Variants in JADE2 observed in about 807,000 individuals in gnomAD.
JADE2 encodes jade family PHD finger 2, also known as E3 ubiquitin-protein ligase Jade-2.
JADE2 carries 13 observed loss-of-function variants against 85.7 expected under a neutral mutation model. The ratio of observed to expected loss-of-function variants is 0.15; its 90% CI spans 0.10 to 0.24. The LOEUF (loss-of-function observed/expected upper bound fraction) is 0.24. Among genes scored for constraint, JADE2 ranks in the 10% least tolerant of loss-of-function variants. The pLI is 1.00. For synonymous variants in JADE2, 440 were observed against 456.1 expected (o/e 0.96, Z 0.45); for missense variants, 846 against 1,115.9 (o/e 0.76, Z 3.45).
chr5:134,571,702 A>C (rs1402820706), intron 9 of JADE2, among the ~76,000 whole-genome samples: 1 of 151,902 alleles, frequency 6.6e-6, no homozygotes, highest in African/African-American at 2.4e-5. Context: ...GTCTCGAAAG[A>C]AAAAAAAGAA....
At chr5:134,554,138 C>A (rs932124579) in intron 4 of JADE2, among the ~76,000 whole-genome samples, 4 of 152,180 alleles carry the variant, frequency 2.6e-5, no homozygotes, top group African/African-American at 9.7e-5. Context: ...ACCCTCATTT[C>A]GTGGCAGCTG....
rs1007718565 is a variant in JADE2 at position 134,525,857 on chromosome 5, C to T, written c.-155C>T. The T allele has an allele frequency of 2.0e-6, 2 of 989,710 alleles. No homozygotes were observed. Among genetic ancestry groups the T allele is most frequent in the African/African-American group, 3.5e-5 (2 of 57,164 alleles). 61.3% of individuals were successfully genotyped at this position (989,710 alleles called of 1,614,324 possible). A position where few individuals can be genotyped will look rare whatever the true frequency, so the allele number is the denominator to read the frequency against. On this transcript the variant is annotated 5_prime_UTR_variant, in exon 1 of 12. Coordinates refer to ENST00000681547, the MANE Select transcript of JADE2 (RefSeq NM_001388185.1). Reference sequence around the variant, plus strand: ...GGGCCTGGGACGCCGCGGGCCCGGCCGCCTCCCTCGCCGCGACCCCGGATG... The same window carrying T: ...GGGCCTGGGACGCCGCGGGCCCGGCTGCCTCCCTCGCCGCGACCCCGGATG...
chr5:134,546,754 C>T (rs956233742), intron 3 of JADE2, among the ~76,000 whole-genome samples: 1 of 147,854 alleles, frequency 6.8e-6, no homozygotes, highest in African/African-American at 2.5e-5. Context: ...GGTGACAGAA[C>T]GAGACACCGT....
At chr5:134,568,687 G>A (rs1276541099) in intron 9 of JADE2, among the ~76,000 whole-genome samples, 1 of 152,370 alleles carries the variant, frequency 6.6e-6, no homozygotes, top group South Asian at 2.1e-4. Flanking sequence ...GAGGGCAGGG[G>A]CATGCACAGC....
intron 3 of JADE2, among the ~76,000 whole-genome samples, chr5:134,545,865 CT>C (rs947142266): frequency 6.6e-6 from 1 of 152,192 alleles, no homozygotes; most frequent in African/African-American, 2.4e-5. Flanking sequence ...GACCTTCAAA[CT>C]TTCCTTGAGG....
Position 134,537,920 on chromosome 5 carries a change from ATTC to A in JADE2, c.59-66_59-64del, listed in dbSNP as rs1761699133. The A allele has an allele frequency of 1.0e-5, 12 of 1,155,938 alleles. No individual in the cohort carries two copies. In the South Asian group the frequency reaches 1.4e-4, roughly 13 times the overall value. The allele number at this position is 1,155,938 out of a possible 1,614,324, so 71.6% of individuals were successfully genotyped here. A position where few individuals can be genotyped will look rare whatever the true frequency, so the allele number is the denominator to read the frequency against. ...CCGGGGCTTTGCTTAGAAGCTTCCTATTCTTGGGCATGAGTGGGTGGTGCTCCT... is the reference window on the plus strand; with the variant it reads ...CCGGGGCTTTGCTTAGAAGCTTCCTATTGGGCATGAGTGGGTGGTGCTCCT... On this transcript the variant is annotated intron_variant, in intron 2 of 11. Coordinates refer to ENST00000681547, the MANE Select transcript of JADE2 (RefSeq NM_001388185.1).
At chr5:134,570,564 G>C (rs966112243) in intron 9 of JADE2, among the ~76,000 whole-genome samples, 1 of 152,034 alleles carries the variant, frequency 6.6e-6, no homozygotes, top group African/African-American at 2.4e-5. Flanking sequence ...CACTCTGGCC[G>C]GGTTTCCGCC....
intron 3 of JADE2, among the ~76,000 whole-genome samples, chr5:134,542,915 T>C: frequency 6.6e-6 from 1 of 151,952 alleles, no homozygotes; most frequent in South Asian, 2.1e-4. Flanking sequence ...GTATTTTTAG[T>C]AGAGACGGGG....
In JADE2 at chr5:134,580,315, A is replaced by G. The variant is rs2150036535; in HGVS notation, c.*998A>G. On this transcript the variant is annotated 3_prime_UTR_variant, in exon 12 of 12. Coordinates refer to ENST00000681547, the MANE Select transcript of JADE2 (RefSeq NM_001388185.1). ...TTCCTTTTGGAAACTCCTCCTTCCA[A>G]CAAGCAGTGGGATCCCGGGGCCCAG... 6.6e-6 allele frequency: 1 copy of G among 152,610 alleles called. No homozygotes were observed. The highest frequency in any genetic ancestry group is 2.4e-5 in the African/African-American group (1 of 41,478). 9.5% of individuals were successfully genotyped at this position (152,610 alleles called of 1,614,324 possible).
At chr5:134,543,798 G>T (rs184012838) in intron 3 of JADE2, among the ~76,000 whole-genome samples, 1 of 152,226 alleles carries the variant, frequency 6.6e-6, no homozygotes, top group East Asian at 1.9e-4. Context: ...TATTTTTGAG[G>T]GGGTGGGGAG....
chr5:134,568,115 G>C (rs1406657073), intron 9 of JADE2, among the ~76,000 whole-genome samples: 1 of 152,152 alleles, frequency 6.6e-6, no homozygotes, highest in Non-Finnish European at 1.5e-5. Flanking sequence ...TTCTGTGCTG[G>C]TCAGCCCATG....
chr5:134,552,207 G>A lies in JADE2; in HGVS notation c.309G>A (p.Val103=). The change falls in exon 4 of 12, where the codon GTG becomes GTA. Residue 103 remains valine (V), a splice_region_variant and synonymous_variant. Transcript: ENST00000681547. ...AGAEAIPEPV[V]RILPPLEGPP... ...CAGAGGCCATCCCAGAGCCCGTGGT[G>A]AGGTGAGCCAGGCAGCCCAGGCTAG... 2 of 1,613,478 alleles carry A rather than the reference G, an allele frequency of 1.2e-6. No homozygotes were observed. Among genetic ancestry groups the A allele is most frequent in the South Asian group, 2.2e-5 (2 of 91,030 alleles).
intron 3 of JADE2, among the ~76,000 whole-genome samples, chr5:134,544,283 G>T (rs1762159049): frequency 6.6e-6 from 1 of 152,254 alleles, no homozygotes; most frequent in Non-Finnish European, 1.5e-5. Flanking sequence ...GAAAGCACAG[G>T]CCCTGTCCCT....
Position 134,578,793 on chromosome 5 carries a change from T to C in JADE2, c.1981T>C (p.Ser661Pro). The change falls in exon 12 of 12, where the codon TCA becomes CCA. Residue 661 changes from serine (S) to proline (P), a missense_variant. This residue lies in a region of JADE2 where 300 missense variants were observed against 300.7 expected (regional missense o/e 1.00). Coordinates refer to ENST00000681547, the MANE Select transcript of JADE2 (RefSeq NM_001388185.1). This position sits in a 1 kb window ranked among gnomAD's most constrained non-coding sequence, Gnocchi z 4.4. ...ACCACCACCGCAGGACGGGCCTGGTTCACGGACGACTCCAGACAAAGCCCC... is the reference window on the plus strand; with the variant it reads ...ACCACCACCGCAGGACGGGCCTGGTCCACGGACGACTCCAGACAAAGCCCC... ...PPPPPQDGPG[S>P]RTTPDKAPKK... is the part of the protein sequence containing the mutation. The C allele has an allele frequency of 6.2e-7, 1 of 1,613,710 alleles. No homozygotes were observed. Among genetic ancestry groups the C allele is most frequent in the Non-Finnish European group, 8.5e-7 (1 of 1,180,002 alleles).
intron 3 of JADE2, among the ~76,000 whole-genome samples, chr5:134,541,929 G>A (rs922971999): frequency 2.0e-5 from 3 of 152,252 alleles, no homozygotes; most frequent in Non-Finnish European, 4.4e-5. Context: ...AGGCCTGGAG[G>A]CCCAGCTTCC....
At chr5:134,569,499 G>A (rs1215027718) in intron 9 of JADE2, among the ~76,000 whole-genome samples, 1 of 152,200 alleles carries the variant, frequency 6.6e-6, no homozygotes, top group Non-Finnish European at 1.5e-5. Context: ...GTTATTTACG[G>A]CTGACAAAAA....
chr5:134,525,832 G>T lies in JADE2; in HGVS notation c.-180G>T, dbSNP rs1349592616. ...CCGACCGTCCCCGGCGGGGGGCGTG[G>T]GGCCTGGGACGCCGCGGGCCCGGCC... is the stretch of plus-strand genomic sequence containing the variant. On this transcript the variant is annotated 5_prime_UTR_variant, in exon 1 of 12. Coordinates refer to ENST00000681547, the MANE Select transcript of JADE2 (RefSeq NM_001388185.1). The T allele has an allele frequency of 3.0e-6, 3 of 1,006,262 alleles. No individual in the cohort carries two copies. The East Asian group carries it at 3.3e-4, about 112-fold the overall frequency. 62.3% of individuals were successfully genotyped at this position (1,006,262 alleles called of 1,614,324 possible). A position where few individuals can be genotyped will look rare whatever the true frequency, so the allele number is the denominator to read the frequency against.
At position 134,578,337 on chromosome 5, in the gene JADE2, C is replaced by T. The variant is rs561679780; in HGVS notation, c.1682-157C>T. ...AGTCCCTACTCTTTGGTGGTGTTGG[C>T]AGGAGGGATGGACAAAACAAGATAG... On this transcript the variant is annotated intron_variant, in intron 11 of 11. Coordinates refer to ENST00000681547, the MANE Select transcript of JADE2 (RefSeq NM_001388185.1). This position sits in a 1 kb window ranked among gnomAD's most constrained non-coding sequence, Gnocchi z 4.4. Among the ~76,000 whole-genome samples the T allele has an allele frequency of 2.6e-5, 4 of 152,258 alleles. No individual in the cohort carries two copies. Among genetic ancestry groups the T allele is most frequent in the South Asian group, 2.1e-4 (1 of 4,822 alleles).
At chr5:134,561,515 G>A (rs1581454404) in intron 6 of JADE2, among the ~76,000 whole-genome samples, 2 of 151,604 alleles carry the variant, frequency 1.3e-5, no homozygotes, top group Admixed American at 1.3e-4. Flanking sequence ...GCCTGGCCAG[G>A]CTCCCCTTGG....
Sources: allele counts gnomAD v4.1 joint callset (sites outside exome capture counted in the v4.1 genomes callset), GRCh38; gene constraint gnomAD v4.1.1; regional missense constraint gnomAD v4.1.1; non-coding constraint Gnocchi (gnomAD v3.1); transcripts MANE v1.5; gene names NCBI Gene and HGNC (gene_info 2026-07-23, HGNC 2026-07-21).